Variants in COL26A1 observed in about 807,000 individuals in gnomAD.
COL26A1 encodes the protein collagen alpha-1(XXVI) chain.
A neutral mutation model predicts 59.3 loss-of-function variants in COL26A1; 41 were observed. That is an observed-to-expected ratio of 0.69 (90% CI 0.54 to 0.90). The LOEUF (loss-of-function observed/expected upper bound fraction) is 0.90. COL26A1 is among the 40% of genes least tolerant of loss of function. The probability of loss-of-function intolerance (pLI) is 0.00; values close to 1 mark genes in which losing one functional copy is unlikely to be tolerated. For missense variants in COL26A1, 612 were observed against 602.3 expected, an observed-to-expected ratio of 1.02 and a Z score of -0.17; for synonymous variants, 266 against 256.0, an observed-to-expected ratio of 1.04 and a Z score of -0.37.
chr7:101,520,662 A>ACACACACACACACACACACACACACACCC (rs915256077), intron 3 of COL26A1, among the ~76,000 whole-genome samples: 62 of 143,338 alleles, frequency 4.3e-4, no homozygotes, highest in African/African-American at 1.5e-3. Context: ...ACACACACAC[A>ACACACACACACACACACACACACACACCC]CCCCCGTGTT....
intron 2 of COL26A1, among the ~76,000 whole-genome samples, chr7:101,421,168 A>G (rs866167978): frequency 5.3e-5 from 8 of 152,298 alleles, no homozygotes; most frequent in Non-Finnish European, 1.2e-4. Flanking sequence ...TTGTATGATT[A>G]TGGAGACTGG....
At chr7:101,523,865 A>G (rs1386139910) in intron 3 of COL26A1, among the ~76,000 whole-genome samples, 1 of 152,080 alleles carries the variant, frequency 6.6e-6, no homozygotes, top group African/African-American at 2.4e-5. Context: ...TTTGGAATCA[A>G]TCGGACAATT....
chr7:101,533,551 C>G, intron 4 of COL26A1, among the ~76,000 whole-genome samples: 1 of 152,164 alleles, frequency 6.6e-6, no homozygotes, highest in East Asian at 1.9e-4. Flanking sequence ...AAGTGACCAG[C>G]TTTTGGCCCA....
At chr7:101,365,708 G>A (rs1035328175) in intron 1 of COL26A1, among the ~76,000 whole-genome samples, 12 of 152,102 alleles carry the variant, frequency 7.9e-5, no homozygotes, top group African/African-American at 2.9e-4. Flanking sequence ...ACAGGCATGA[G>A]CCACTGTGCT....
intron 4 of COL26A1, among the ~76,000 whole-genome samples, chr7:101,534,351 G>T (rs532010506): frequency 6.6e-6 from 1 of 152,138 alleles, no homozygotes; most frequent in African/African-American, 2.4e-5. Context: ...CTAGAAGAGA[G>T]CAGGGCCAGG....
intron 3 of COL26A1, among the ~76,000 whole-genome samples, chr7:101,488,629 G>T (rs545024806): frequency 1.3e-5 from 2 of 151,988 alleles, no homozygotes; most frequent in South Asian, 4.1e-4. Flanking sequence ...TCCCTCCTCG[G>T]CCTCCCAAAG....
intron 1 of COL26A1, among the ~76,000 whole-genome samples, chr7:101,408,177 C>G (rs1336817250): frequency 5.9e-5 from 9 of 152,182 alleles, no homozygotes; most frequent in Non-Finnish European, 1.5e-5. Flanking sequence ...GAGCCAGAGT[C>G]TAACATGGAG....
At chr7:101,399,633 A>AT (rs1168246187) in intron 1 of COL26A1, among the ~76,000 whole-genome samples, 16 of 151,994 alleles carry the variant, frequency 1.1e-4, no homozygotes, top group African/African-American at 3.9e-4. Flanking sequence ...TAAATTTTGT[A>AT]TTTTTAATAG....
intron 1 of COL26A1, among the ~76,000 whole-genome samples, chr7:101,414,432 T>TTGTGTGTGTGTG (rs34282686): frequency 6.0e-4 from 88 of 146,272 alleles, no homozygotes; most frequent in African/African-American, 2.0e-3. Context: ...CACTCTGTGT[T>TTGTGTGTGTGTG]TGTGTGTGTG....
intron 3 of COL26A1, among the ~76,000 whole-genome samples, chr7:101,468,227 C>T (rs898573594): frequency 9.3e-5 from 14 of 150,788 alleles, no homozygotes; most frequent in African/African-American, 2.7e-4. Context: ...CGCTTGAACC[C>T]GGGAGGTGGA....
intron 2 of COL26A1, among the ~76,000 whole-genome samples, chr7:101,436,945 C>T (rs1245102253): frequency 6.6e-6 from 1 of 152,056 alleles, no homozygotes; most frequent in Non-Finnish European, 1.5e-5. Context: ...AATTCCTGAC[C>T]TCAGGTGATC....
At chr7:101,455,928 C>T (rs1019948699) in intron 3 of COL26A1, among the ~76,000 whole-genome samples, 11 of 151,862 alleles carry the variant, frequency 7.2e-5, no homozygotes, top group South Asian at 2.1e-4. Context: ...TCAGGTGATC[C>T]GCCTGCCTCG....
chr7:101,510,027 CT>C (rs3073374), intron 3 of COL26A1, among the ~76,000 whole-genome samples: 304 of 121,952 alleles, frequency 2.5e-3, no homozygotes, highest in Middle Eastern at 4.6e-3. Context: ...CGCGCCCAGT[CT>C]TTTTTTTTTT....
intron 3 of COL26A1, among the ~76,000 whole-genome samples, chr7:101,486,702 C>T (rs936099789): frequency 2.0e-5 from 3 of 152,368 alleles, no homozygotes; most frequent in South Asian, 2.1e-4. Flanking sequence ...TTAGGCACGT[C>T]GATCCCATAA....
chr7:101,431,554 C>T (rs1214014111), intron 2 of COL26A1, among the ~76,000 whole-genome samples: 1 of 152,080 alleles, frequency 6.6e-6, no homozygotes, highest in African/African-American at 2.4e-5. Flanking sequence ...GCCACCATGC[C>T]CGGCTGTAAG....
intron 11 of COL26A1, among the ~76,000 whole-genome samples, chr7:101,554,192 G>T (rs968193786): frequency 2.0e-5 from 3 of 152,076 alleles, no homozygotes; most frequent in Non-Finnish European, 4.4e-5. Context: ...GGCAGGGGGG[G>T]CCTTGAAAGC....
intron 3 of COL26A1, among the ~76,000 whole-genome samples, chr7:101,509,231 G>C (rs1012263295): frequency 6.6e-6 from 1 of 152,214 alleles, no homozygotes; most frequent in African/African-American, 2.4e-5. Context: ...GATGATTTGA[G>C]GTCAGGAGTT....
At chr7:101,517,396 A>T (rs1302894338) in intron 3 of COL26A1, among the ~76,000 whole-genome samples, 1 of 152,136 alleles carries the variant, frequency 6.6e-6, no homozygotes, top group Admixed American at 6.5e-5. Context: ...GGTTTAATGG[A>T]CTTACAGCTC....
In COL26A1 at chr7:101,553,398, G is replaced by A. The variant is rs368173600; in HGVS notation, c.1080+22G>A. 40 of 1,611,410 alleles carry A rather than the reference G, an allele frequency of 2.5e-5. No individual in the cohort carries two copies. In the African/African-American group the frequency reaches 3.1e-4, roughly 12 times the overall value. Reference sequence around the variant, plus strand: ...AGAGGTAACCATGGCTGCCCTTCACGTTCCCTCCCGCCTCCTTGGCTGTGA... The same window carrying A: ...AGAGGTAACCATGGCTGCCCTTCACATTCCCTCCCGCCTCCTTGGCTGTGA... On this transcript the variant is annotated intron_variant, in intron 11 of 12. Transcript: ENST00000313669.
Sources: allele counts gnomAD v4.1 joint callset (sites outside exome capture counted in the v4.1 genomes callset), GRCh38; gene constraint gnomAD v4.1.1; transcripts MANE v1.5; gene names NCBI Gene and HGNC (gene_info 2026-07-23, HGNC 2026-07-21).